Variants in CARNS1 observed in about 807,000 individuals in gnomAD.
CARNS1 encodes the protein ATP-grasp domain containing 1.
CARNS1 carries 61 observed loss-of-function variants against 74.0 expected under a neutral mutation model. The ratio of observed to expected loss-of-function variants is 0.82; its 90% CI spans 0.67 to 1.02. CARNS1 has a LOEUF of 1.02. Among genes scored for constraint, CARNS1 ranks in the 50% least tolerant of loss-of-function variants. The pLI, the probability that CARNS1 is intolerant of heterozygous loss-of-function variation, is 0.00. For missense variants in CARNS1, 1,278 were observed against 1,308.4 expected, an observed-to-expected ratio of 0.98 and a Z score of 0.36; for synonymous variants, 568 against 605.5, an observed-to-expected ratio of 0.94 and a Z score of 0.91.
In CARNS1 at chr11:67,423,961, T is replaced by C. The variant is rs1309302139; in HGVS notation, c.2213T>C (p.Val738Ala). The C allele has an allele frequency of 2.5e-6, 4 of 1,613,214 alleles. No homozygotes were observed. The highest frequency in any genetic ancestry group is 3.3e-5 in the Admixed American group (2 of 59,976). The change falls in exon 10 of 10, where the codon GTG (valine) becomes GCG (alanine). Residue 738 changes from valine to alanine, a missense_variant. Transcript: ENST00000687366. This position sits in a 1 kb window ranked among gnomAD's most constrained non-coding sequence, Gnocchi z 5.1. The part of the protein sequence containing the change: ...VEGTEHDVDL[V>A]LFGGRLLAAF... ...GGCACCGAGCACGACGTGGACCTGGTGTTGTTTGGTGGGCGGTTGCTGGCT... is the reference window on the plus strand; with the variant it reads ...GGCACCGAGCACGACGTGGACCTGGCGTTGTTTGGTGGGCGGTTGCTGGCT...
Position 67,423,281 on chromosome 11 carries a change from G to C in CARNS1, c.1627-94G>C. The C allele has an allele frequency of 8.0e-7, 1 of 1,257,280 alleles. No homozygotes were observed. Among genetic ancestry groups the C allele is most frequent in the East Asian group, 2.3e-5 (1 of 42,630 alleles). 77.9% of individuals were successfully genotyped at this position (1,257,280 alleles called of 1,614,324 possible). A position where few individuals can be genotyped will look rare whatever the true frequency, so the allele number is the denominator to read the frequency against. On this transcript the variant is annotated intron_variant, in intron 9 of 9. Transcript: ENST00000687366. The surrounding 1 kb of genome is among the most constrained non-coding windows in gnomAD (Gnocchi z 5.1). ...TTGAGCACCTAGTGTTTGTGTACTC[G>C]TATCCCCTGAAGGGGCCATCCTAGG...
In CARNS1 at chr11:67,420,823, C is replaced by T. The variant is rs1216561303; in HGVS notation, c.1328C>T (p.Ala443Val). The change falls in exon 8 of 10, where the codon GCG becomes GTG. Residue 443 changes from alanine (A) to valine (V), a missense_variant. Ala to Val is a moderately conservative substitution (Grantham distance 64, BLOSUM62 0). This residue lies in a region of CARNS1 where 1,164 missense variants were observed against 1,156.5 expected (regional missense o/e 1.01). Transcript: ENST00000687366. ...LSAEQRGGRR[A>V]HTDFLGVDFA... ...GCCGAGCAGCGCGGCGGGCGCCGGG[C>T]GCACACGGACTTCCTGGGTGAGTGA... 4 of 1,222,882 alleles carry T rather than the reference C, an allele frequency of 3.3e-6. No individual in the cohort carries two copies. The highest frequency in any genetic ancestry group is 4.1e-6 in the Non-Finnish European group (4 of 983,264). The allele number at this position is 1,222,882 out of a possible 1,614,324, so 75.8% of individuals were successfully genotyped here. A position where few individuals can be genotyped will look rare whatever the true frequency, so the allele number is the denominator to read the frequency against.
At position 67,423,299 on chromosome 11, in the gene CARNS1, A is replaced by C. The variant is rs1565138203; in HGVS notation, c.1627-76A>C. The stretch of plus-strand genomic sequence containing the variant: ...TGTACTCGTATCCCCTGAAGGGGCC[A>C]TCCTAGGCCCCATCCTATCCCCCTA... On this transcript the variant is annotated intron_variant, in intron 9 of 9. Transcript: ENST00000687366. The surrounding 1 kb of genome is among the most constrained non-coding windows in gnomAD (Gnocchi z 5.1). 1 of 1,455,258 alleles carries C rather than the reference A, an allele frequency of 6.9e-7. No homozygotes were observed. The highest frequency in any genetic ancestry group is 2.1e-5 in the Admixed American group (1 of 47,114). 90.1% of individuals were successfully genotyped at this position (1,455,258 alleles called of 1,614,324 possible).
In CARNS1 at chr11:67,424,455, G is replaced by A. The variant is rs759911069; in HGVS notation, c.2707G>A (p.Gly903Ser). The A allele has an allele frequency of 6.3e-7, 1 of 1,589,110 alleles. No homozygotes were observed. Among genetic ancestry groups the A allele is most frequent in the Non-Finnish European group, 8.6e-7 (1 of 1,169,006 alleles). The change falls in exon 10 of 10, where the codon GGC (glycine) becomes AGC (serine). Residue 903 changes from glycine to serine, a missense_variant. Gly to Ser is a moderately conservative substitution (Grantham distance 56). Coordinates refer to ENST00000687366, the MANE Select transcript of CARNS1 (RefSeq NM_001166222.2). ...LNLLEEALVP[G>S]EYEEPYCSVA... ...TCTGCTGGAGGAGGCCCTGGTGCCT[G>A]GCGAGTATGAGGAGCCCTACTGCAG...
chr11:67,420,054 G>A (rs564437566), intron 7 of CARNS1, among the ~76,000 whole-genome samples: 1 of 152,312 alleles, frequency 6.6e-6, no homozygotes, highest in African/African-American at 2.4e-5. Context: ...CCCTGCCCCT[G>A]TGCTCAGCCC....
In CARNS1 at chr11:67,423,865, A is replaced by G. The variant is rs1411610558; in HGVS notation, c.2117A>G (p.Gln706Arg). The G allele has an allele frequency of 6.2e-7, 1 of 1,613,080 alleles. No homozygotes were observed. Among genetic ancestry groups the G allele is most frequent in the African/African-American group, 1.3e-5 (1 of 74,946 alleles). The change falls in exon 10 of 10, where the codon CAG (glutamine) becomes CGG (arginine). Residue 706 changes from glutamine (Q) to arginine (R), a missense_variant. Physicochemically the swap from Gln to Arg is conservative, Grantham distance 43. Coordinates refer to ENST00000687366, the MANE Select transcript of CARNS1 (RefSeq NM_001166222.2). The surrounding 1 kb of genome is among the most constrained non-coding windows in gnomAD (Gnocchi z 5.1). ...TTTTCCCGGATTACCCGAGACTTGC[A>G]GGGCGAGGCCGACCACCCAGGCATT... Reference protein sequence around the residue: ...EHFSRITRDLQGEADHPGIGL... With the variant: ...EHFSRITRDLRGEADHPGIGL...
At position 67,418,507 on chromosome 11, in the gene CARNS1, G is replaced by A; in HGVS notation, c.351G>A (p.Gly117=). 1 of 1,523,802 alleles carries A rather than the reference G, an allele frequency of 6.6e-7. No individual in the cohort carries two copies. The highest frequency in any genetic ancestry group is 8.8e-7 in the Non-Finnish European group (1 of 1,139,704). The allele number at this position is 1,523,802 out of a possible 1,614,324, so 94.4% of individuals were successfully genotyped here. ...TTCTGCCTGTGCTGCTGGAGGGTGG[G>A]GTCCAGAGCCCGGGTGAGTGTATGC... ...STFLPVLLEG[G]VQSPGNMLLC... is the part of the protein sequence containing the mutation. The change falls in exon 4 of 10, where the codon GGG becomes GGA. Residue 117 remains glycine (G), a synonymous_variant. Transcript: ENST00000687366.
At chr11:67,419,975 G>A in intron 7 of CARNS1, 137 bp downstream of exon 7, 1 of 827,320 alleles carries the variant, frequency 1.2e-6, no homozygotes, top group Non-Finnish European at 1.9e-6. Flanking sequence ...GTTGCCTCTG[G>A]GGAAACTACT....
intron 2 of CARNS1, chr11:67,417,189 C>T: frequency 8.2e-7 from 1 of 1,225,626 alleles, no homozygotes. Flanking sequence ...GCCCTCCCCC[C>T]AGGGGCACCA....
chr11:67,420,918 C>G, intron 8 of CARNS1, 21 bp from the exon 9 acceptor site: 3 of 1,364,160 alleles, frequency 2.2e-6, no homozygotes, highest in Non-Finnish European at 2.8e-6. Flanking sequence ...TAGCTGAGCT[C>G]GCGCCTCCCG....
intron 7 of CARNS1, among the ~76,000 whole-genome samples, chr11:67,420,302 G>A (rs1863663028): frequency 6.6e-6 from 1 of 152,058 alleles, no homozygotes; most frequent in Admixed American, 6.5e-5. Context: ...GGTAGGGAAA[G>A]GTGCGCCCCA....
intron 9 of CARNS1, among the ~76,000 whole-genome samples, chr11:67,421,747 A>C (rs963973028): frequency 6.6e-6 from 1 of 151,978 alleles, no homozygotes; most frequent in African/African-American, 2.4e-5. Flanking sequence ...TTCTTTTTTG[A>C]GACAGGGTCT....
rs1025125778 is a variant in CARNS1 at position 67,421,060 on chromosome 11, G to A, written c.1467G>A (p.Leu489=). 17 of 1,360,306 alleles carry A rather than the reference G, an allele frequency of 1.2e-5. No individual in the cohort carries two copies. In the African/African-American group the frequency reaches 2.1e-4, roughly 17 times the overall value. 84.3% of individuals were successfully genotyped at this position (1,360,306 alleles called of 1,614,324 possible). A position where few individuals can be genotyped will look rare whatever the true frequency, so the allele number is the denominator to read the frequency against. The change falls in exon 9 of 10, where the codon CTG becomes CTA. Residue 489 remains leucine (L), a synonymous_variant. Coordinates refer to ENST00000687366, the MANE Select transcript of CARNS1 (RefSeq NM_001166222.2). The stretch of plus-strand genomic sequence containing the variant: ...AGGGGCTGTGGGCCGCGCCGCGGCT[G>A]GGGCCGGCGGCCGACGAGGCGGTGG... ...ALEGLWAAPR[L]GPAADEAVAA...
intron 2 of CARNS1, chr11:67,416,982 T>C (rs929272401): frequency 7.0e-6 from 7 of 992,940 alleles, no homozygotes; most frequent in Non-Finnish European, 8.4e-6. Context: ...CTCAGAGTGA[T>C]GGCTGGGTTC....
Position 67,423,418 on chromosome 11 carries a change from T to C in CARNS1, c.1670T>C (p.Leu557Ser). ...ESDPNHFASQ[L>S]VQTFIHFDMT... Reference sequence around the variant, plus strand: ...GACCCCAACCACTTTGCATCCCAGTTGGTACAGACCTTCATCCACTTTGAC... The same window carrying C: ...GACCCCAACCACTTTGCATCCCAGTCGGTACAGACCTTCATCCACTTTGAC... Residue 557 changes from leucine (L) to serine (S), a missense_variant, in exon 10 of 10, where the codon TTG becomes TCG. Around this residue, in one of 3 missense-constraint regions of CARNS1, gnomAD observed 1,164 missense variants for 1,156.5 expected, o/e 1.01. Transcript: ENST00000687366. This position sits in a 1 kb window ranked among gnomAD's most constrained non-coding sequence, Gnocchi z 5.1. 1 of 1,612,850 alleles carries C rather than the reference T, an allele frequency of 6.2e-7. No homozygotes were observed. Among genetic ancestry groups the C allele is most frequent in the Non-Finnish European group, 8.5e-7 (1 of 1,178,966 alleles).
intron 2 of CARNS1, chr11:67,416,581 T>A: frequency 9.4e-7 from 1 of 1,066,348 alleles, no homozygotes; most frequent in South Asian, 2.9e-5. Context: ...CCCCAGGGGA[T>A]GGGAGAGGGC....
In CARNS1 at chr11:67,424,524, C is replaced by G; in HGVS notation, c.2776C>G (p.Leu926Val). Reference protein sequence around the residue: ...GPSPTEARLRLLGLCQGLGID... With the variant: ...GPSPTEARLRVLGLCQGLGID... ...CAGCCCCACCGAGGCCCGTCTCCGC[C>G]TGCTGGGCCTCTGCCAGGGCCTGGG... The change falls in exon 10 of 10, where the codon CTG becomes GTG. Residue 926 changes from leucine to valine, a missense_variant. Around this residue, in one of 3 missense-constraint regions of CARNS1, gnomAD observed 1,164 missense variants for 1,156.5 expected, o/e 1.01. Transcript: ENST00000687366. 6.3e-7 allele frequency: 1 copy of G among 1,598,492 alleles called. No individual in the cohort carries two copies. The highest frequency in any genetic ancestry group is 8.5e-7 in the Non-Finnish European group (1 of 1,174,276).
chr11:67,420,702 G>A lies in CARNS1; in HGVS notation c.1207G>A (p.Gly403Ser). ...GGTGGCGCTGGCCCAGTGCGGCCTG[G>A]GCGAGGAGGCGCAGGTGGCGGCTGT... ...LEVALAQCGL[G>S]EEAQVAAVRQ... is the part of the protein sequence containing the mutation. The change falls in exon 8 of 10, where the codon GGC (glycine) becomes AGC (serine). Residue 403 changes from glycine to serine, a missense_variant. Gly to Ser is a moderately conservative substitution (Grantham distance 56). Around this residue, in one of 3 missense-constraint regions of CARNS1, gnomAD observed 1,164 missense variants for 1,156.5 expected, o/e 1.01. Transcript: ENST00000687366. 7.9e-7 allele frequency: 1 copy of A among 1,266,974 alleles called. No homozygotes were observed. The allele number at this position is 1,266,974 out of a possible 1,614,324, so 78.5% of individuals were successfully genotyped here. A position where few individuals can be genotyped will look rare whatever the true frequency, so the allele number is the denominator to read the frequency against.
rs774069902 is a variant in CARNS1, at chr11:67,420,971, G to C, written c.1378G>C (p.Val460Leu). ...TTTCGCGCTGACAGCGGCCGGCGGC[G>C]TGCTGACCCCAGTGGCCCTGGAGCT... is the stretch of plus-strand genomic sequence containing the variant. ...VDFALTAAGG[V>L]LTPVALELNG... Residue 460 changes from valine to leucine, a missense_variant, in exon 9 of 10, where the codon GTG becomes CTG. Val to Leu is a conservative substitution (Grantham distance 32). Transcript: ENST00000687366. The C allele has an allele frequency of 4.2e-6, 6 of 1,428,470 alleles. No homozygotes were observed. Among genetic ancestry groups the C allele is most frequent in the Non-Finnish European group, 5.5e-6 (6 of 1,094,330 alleles). 88.5% of individuals were successfully genotyped at this position (1,428,470 alleles called of 1,614,324 possible). A position where few individuals can be genotyped will look rare whatever the true frequency, so the allele number is the denominator to read the frequency against.
Sources: gnomAD v4.1 joint callset for allele counts (sites outside exome capture counted in the v4.1 genomes callset) on GRCh38, gnomAD v4.1.1 for gene constraint, gnomAD v4.1.1 regional missense constraint, Gnocchi (gnomAD v3.1) non-coding constraint, MANE v1.5 for transcripts, NCBI Gene and HGNC (gene_info 2026-07-23, HGNC 2026-07-21) for gene names.